SH3RF2: variants seen among roughly 807,000 people sequenced by gnomAD.
The protein encoded by SH3RF2 is SH3 domain containing ring finger 2, also known as E3 ubiquitin-protein ligase SH3RF2.
In SH3RF2, 43 loss-of-function variants were observed where a neutral mutation model predicts 59.0. The observed-to-expected ratio is 0.73, with a 90% CI of 0.57 to 0.94. SH3RF2 has a LOEUF of 0.94. Among genes scored for constraint, SH3RF2 ranks in the 40% least tolerant of loss-of-function variants. The pLI is 0.00. For missense variants in SH3RF2, 930 were observed against 940.1 expected, an observed-to-expected ratio of 0.99 and a Z score of 0.14; for synonymous variants, 391 against 391.5, an observed-to-expected ratio of 1.00 and a Z score of 0.01.
At chr5:145,973,036 T>G (rs148363314) in intron 2 of SH3RF2, among the ~76,000 whole-genome samples, 3 of 152,172 alleles carry the variant, frequency 2.0e-5, no homozygotes, top group Non-Finnish European at 4.4e-5. Flanking sequence ...AGCCTACGAC[T>G]GGGGAAAGAA....
chr5:146,073,927 C>T (rs145785088), intron 9 of SH3RF2, among the ~76,000 whole-genome samples: 160 of 152,116 alleles, frequency 1.1e-3, no homozygotes, highest in Admixed American at 2.2e-3. Context: ...CGAGTTGAGA[C>T]CCGAAGACTA....
In SH3RF2 at chr5:145,969,034, T is replaced by G. The variant is rs867326690; in HGVS notation, c.378+30728T>G. 4.6e-4 allele frequency among the ~76,000 whole-genome samples: 70 copies of G among 152,364 alleles called. 1 individual carries two copies. The highest frequency in any genetic ancestry group is 9.8e-4 in the Admixed American group (15 of 15,304). On this transcript the variant is annotated intron_variant, in intron 2 of 9. Coordinates refer to ENST00000359120, the MANE Select transcript of SH3RF2 (RefSeq NM_152550.4). The stretch of plus-strand genomic sequence containing the variant: ...CTCTTAGGAACAACCTGTAAGTATC[T>G]GAATTTGCTTCTCAGGTCCCACCAG...
Position 145,972,737 on chromosome 5 carries a change from A to G in SH3RF2, c.379-27321A>G, listed in dbSNP as rs527736210. Among the ~76,000 whole-genome samples, 197 of 152,334 alleles carry G rather than the reference A, an allele frequency of 1.3e-3. 3 individuals are homozygous for G. Among genetic ancestry groups the G allele is most frequent in the African/African-American group, 4.0e-3 (168 of 41,566 alleles). The stretch of plus-strand genomic sequence containing the variant: ...AGGAGATACAGAGTCTGCATAAATT[A>G]TCTTTAATCCTAATGATTTGGCATC... On this transcript the variant is annotated intron_variant, in intron 2 of 9. Coordinates refer to ENST00000359120, the MANE Select transcript of SH3RF2 (RefSeq NM_152550.4).
At position 146,004,161 on chromosome 5, in the gene SH3RF2, A is replaced by G; in HGVS notation, c.744+8A>G. On this transcript the variant is annotated splice_region_variant and intron_variant, in intron 4 of 9. Coordinates refer to ENST00000359120, the MANE Select transcript of SH3RF2 (RefSeq NM_152550.4). ...CCTATCTTGTTTGTAGAGGTACGTG[A>G]GTATCAAGTCTACATCTGATTTACG... 6.2e-7 allele frequency: 1 copy of G among 1,606,062 alleles called. No individual in the cohort carries two copies. The highest frequency in any genetic ancestry group is 1.1e-5 in the South Asian group (1 of 90,682).
intron 2 of SH3RF2, among the ~76,000 whole-genome samples, chr5:145,963,804 T>C (rs1012261055): frequency 1.3e-5 from 2 of 151,590 alleles, no homozygotes. Context: ...TTAATAGTTT[T>C]TCTTTCTTTC....
intron 2 of SH3RF2, among the ~76,000 whole-genome samples, chr5:145,963,613 G>C (rs949580479): frequency 5.3e-5 from 8 of 152,190 alleles, no homozygotes; most frequent in African/African-American, 1.9e-4. Context: ...GCACAAGAAA[G>C]TTTGTTTTAA....
intron 2 of SH3RF2, among the ~76,000 whole-genome samples, chr5:145,966,835 A>G (rs937471859): frequency 2.0e-5 from 3 of 152,188 alleles, no homozygotes; most frequent in African/African-American, 7.2e-5. Flanking sequence ...CAGTCTGGGT[A>G]ACATGTTGAA....
chr5:145,964,577 G>T (rs1479525293), intron 2 of SH3RF2, among the ~76,000 whole-genome samples: 1 of 152,110 alleles, frequency 6.6e-6, no homozygotes, highest in Non-Finnish European at 1.5e-5. Context: ...AAAGTGTTGG[G>T]ATTACGGGCG....
At chr5:146,041,308 C>T (rs1762118034) in intron 5 of SH3RF2, among the ~76,000 whole-genome samples, 1 of 152,030 alleles carries the variant, frequency 6.6e-6, no homozygotes, top group Non-Finnish European at 1.5e-5. Flanking sequence ...TTCCCCGACC[C>T]CAACACGCTC....
At chr5:146,047,683 C>T in intron 5 of SH3RF2, 89 bp from the exon 6 acceptor site, 1 of 1,226,068 alleles carries the variant, frequency 8.2e-7, no homozygotes, top group Non-Finnish European at 1.2e-6. Context: ...TCAGCTGTGT[C>T]AGGTCTTTCT....
chr5:145,972,934 G>A (rs565693419), intron 2 of SH3RF2, among the ~76,000 whole-genome samples: 1 of 152,252 alleles, frequency 6.6e-6, no homozygotes, highest in South Asian at 2.1e-4. Flanking sequence ...AGATAATAGA[G>A]CTACAAGAAG....
chr5:146,067,546 A>G (rs1763135596), downstream of SH3RF2, among the ~76,000 whole-genome samples: 1 of 152,086 alleles, frequency 6.6e-6, no homozygotes, highest in Non-Finnish European at 1.5e-5. Context: ...GGCCCTAGAG[A>G]GTCTCACTCA....
At chr5:146,067,431 C>T (rs1404036010), downstream of SH3RF2, among the ~76,000 whole-genome samples, 3 of 152,160 alleles carry the variant, frequency 2.0e-5, no homozygotes, top group Non-Finnish European at 2.9e-5. Flanking sequence ...TGTGCAGGAC[C>T]GCATCTCTCA....
chr5:145,950,418 T>C (rs1758150043), intron 2 of SH3RF2, among the ~76,000 whole-genome samples: 1 of 152,228 alleles, frequency 6.6e-6, no homozygotes, highest in South Asian at 2.1e-4. Flanking sequence ...TGGAGCATGA[T>C]TTAATCCCTA....
At chr5:146,008,305 G>A (rs1489499615) in intron 4 of SH3RF2, among the ~76,000 whole-genome samples, 2 of 152,282 alleles carry the variant, frequency 1.3e-5, no homozygotes, top group South Asian at 2.1e-4. Context: ...AGAGTCTCCC[G>A]GAGCCCTGTG....
chr5:146,029,035 C>T (rs895371450), intron 5 of SH3RF2, among the ~76,000 whole-genome samples: 3 of 152,180 alleles, frequency 2.0e-5, no homozygotes, highest in Admixed American at 6.5e-5. Context: ...CATACCCCCA[C>T]AACAATAAAC....
intron 9 of SH3RF2, among the ~76,000 whole-genome samples, chr5:146,069,497 G>GCTA (rs1763183711): frequency 6.6e-6 from 1 of 151,896 alleles, no homozygotes. Context: ...TCTTGCTGCT[G>GCTA]CTGCTGCTGC....
At chr5:146,064,435 C>A (rs1476553009), downstream of SH3RF2, among the ~76,000 whole-genome samples, 2 of 151,650 alleles carry the variant, frequency 1.3e-5, no homozygotes, top group African/African-American at 4.9e-5. Flanking sequence ...GTGAGACAAC[C>A]CATTAATTCT....
At chr5:145,982,268 A>G (rs1449216056) in intron 2 of SH3RF2, among the ~76,000 whole-genome samples, 3 of 152,204 alleles carry the variant, frequency 2.0e-5, no homozygotes, top group Non-Finnish European at 4.4e-5. Context: ...GGATATTCAT[A>G]AACATTCATC....
Sources: allele counts gnomAD v4.1 joint callset (sites outside exome capture counted in the v4.1 genomes callset), GRCh38; gene constraint gnomAD v4.1.1; transcripts MANE v1.5; gene names NCBI Gene and HGNC (gene_info 2026-07-23, HGNC 2026-07-21).